Variants in ZNF385D observed in about 807,000 individuals in gnomAD.
ZNF385D encodes zinc finger protein 659.
Under a neutral mutation model 35.8 loss-of-function variants are expected in ZNF385D, and 15 were observed. The observed-to-expected ratio is 0.42, with a 90% CI of 0.28 to 0.64. ZNF385D has a LOEUF of 0.64. ZNF385D is among the 30% of genes least tolerant of loss of function. ZNF385D has a pLI of 0.23. For missense variants in ZNF385D, 474 were observed against 494.6 expected, an observed-to-expected ratio of 0.96 and a Z score of 0.39; for synonymous variants, 212 against 186.8, an observed-to-expected ratio of 1.13 and a Z score of -1.10.
At chr3:22,059,490 G>A (rs547537038) in intron 3 of ZNF385D, among the ~76,000 whole-genome samples, 11 of 152,262 alleles carry the variant, frequency 7.2e-5, no homozygotes, top group African/African-American at 2.2e-4. Context: ...TAAGATAAGC[G>A]ATGAGTGACA....
intron 2 of ZNF385D, among the ~76,000 whole-genome samples, chr3:21,623,856 T>C (rs1005724504): frequency 3.3e-5 from 5 of 152,146 alleles, no homozygotes; most frequent in Admixed American, 1.3e-4. Context: ...CTGAAGATTC[T>C]CTTTCTTGAA....
In ZNF385D at chr3:21,665,023, TA is replaced by T; in HGVS notation, c.27del (p.Thr10HisfsTer54). Reference protein sequence around the residue: MRNIMYFGGTCQSPALPAL... With the variant: MRNIMYFGXTCQSPALPAL... ...GCCGGGAGAGCAGGACTCTGGCATG[TA>T]CCACCTGTGAAGACCAGAGCAAAGG... On this transcript the variant is annotated frameshift_variant, in exon 2 of 8. Coordinates refer to ENST00000281523, the MANE Select transcript of ZNF385D (RefSeq NM_024697.3). LOFTEE classifies it high-confidence loss of function. 1.2e-6 allele frequency: 2 copies of T among 1,609,122 alleles called. No individual in the cohort carries two copies. The highest frequency in any genetic ancestry group is 1.7e-6 in the Non-Finnish European group (2 of 1,177,586).
At chr3:21,925,410 G>A (rs1655064637) in intron 3 of ZNF385D, among the ~76,000 whole-genome samples, 1 of 152,030 alleles carries the variant, frequency 6.6e-6, no homozygotes, top group African/African-American at 2.4e-5. Context: ...AAATAGGCAG[G>A]TATACACAAA....
intron 3 of ZNF385D, among the ~76,000 whole-genome samples, chr3:21,875,201 G>A (rs1697899562): frequency 6.6e-6 from 1 of 152,088 alleles, no homozygotes; most frequent in African/African-American, 2.4e-5. Flanking sequence ...TAGAAACAGA[G>A]ATAATTTTAC....
At chr3:21,874,792 T>C (rs890188977) in intron 3 of ZNF385D, among the ~76,000 whole-genome samples, 3 of 152,098 alleles carry the variant, frequency 2.0e-5, no homozygotes, top group South Asian at 2.1e-4. Context: ...GAGATTTTAA[T>C]TGAGATTGCA....
intron 3 of ZNF385D, among the ~76,000 whole-genome samples, chr3:22,070,235 A>C (rs17010696): frequency 0.01 from 1,579 of 152,266 alleles, 27 homozygotes; most frequent in African/African-American, 0.036. Context: ...AGCACAATTT[A>C]AGTCCTGGAT....
intron 3 of ZNF385D, among the ~76,000 whole-genome samples, chr3:22,027,323 C>A (rs1215774381): frequency 6.6e-6 from 1 of 152,190 alleles, no homozygotes; most frequent in African/African-American, 2.4e-5. Context: ...GGGTCCCGAA[C>A]AGGGGAAGGT....
intron 3 of ZNF385D, among the ~76,000 whole-genome samples, chr3:22,028,446 C>T (rs1048005746): frequency 7.2e-5 from 11 of 152,090 alleles, no homozygotes; most frequent in East Asian, 1.9e-4. Context: ...GCTGGATGCC[C>T]GATTTGCCAG....
chr3:22,324,517 T>C (rs1472030167), intron 2 of ZNF385D, among the ~76,000 whole-genome samples: 1 of 152,102 alleles, frequency 6.6e-6, no homozygotes, highest in Admixed American at 6.5e-5. Flanking sequence ...GATGAAGATA[T>C]ATAAAAATTT....
intron 3 of ZNF385D, among the ~76,000 whole-genome samples, chr3:21,512,070 C>T (rs928502834): frequency 2.8e-5 from 4 of 145,252 alleles, no homozygotes; most frequent in Non-Finnish European, 1.5e-5. Context: ...TCGCTTGAAC[C>T]CGGGAGGCAG....
intron 2 of ZNF385D, among the ~76,000 whole-genome samples, chr3:22,244,492 A>G (rs539897751): frequency 2.0e-5 from 3 of 150,966 alleles, no homozygotes; most frequent in African/African-American, 7.3e-5. Context: ...TACTTAAATA[A>G]TATTCCAATC....
Position 22,288,489 on chromosome 3 carries a change from C to A in ZNF385D, c.106+83961G>T, listed in dbSNP as rs577491482. Among the ~76,000 whole-genome samples the A allele has an allele frequency of 5.3e-5, 8 of 152,136 alleles. No homozygotes were observed. The East Asian group carries it at 1.5e-3, about 29-fold the overall frequency. ...TTCCAGTGACCTGTCTTTGAGTTCA[C>A]TGATGCCTTTTTTGCTTAATCCATC... On this transcript the variant is annotated intron_variant, in intron 2 of 5. Coordinates refer to the ZNF385D transcript ENST00000494108.
chr3:22,111,177 G>GTTTTTTTTTTT (rs1559377186), intron 3 of ZNF385D, among the ~76,000 whole-genome samples: 1 of 105,582 alleles, frequency 9.5e-6, no homozygotes, highest in Non-Finnish European at 1.8e-5. Flanking sequence ...TTTTTTTTTT[G>GTTTTTTTTTTT]TTTTTTTTGT....
At chr3:21,572,711 T>C (rs2063371134) in intron 2 of ZNF385D, among the ~76,000 whole-genome samples, 1 of 152,088 alleles carries the variant, frequency 6.6e-6, no homozygotes, top group Non-Finnish European at 1.5e-5. Flanking sequence ...TTATGATGAG[T>C]GAGAAAAGGT....
intron 3 of ZNF385D, among the ~76,000 whole-genome samples, chr3:21,987,671 A>G (rs1035003520): frequency 7.0e-6 from 1 of 143,530 alleles, no homozygotes; most frequent in Non-Finnish European, 1.5e-5. Flanking sequence ...CTCGAGGAGT[A>G]TCTTTGTGGT....
At chr3:21,942,572 C>T (rs1188898885) in intron 3 of ZNF385D, 3 of 152,204 alleles carry the variant, frequency 2.0e-5, no homozygotes, top group African/African-American at 4.8e-5. Context: ...TCTGAGCTTT[C>T]ATGCATATAT....
At chr3:21,831,287 G>A (rs1393336662) in intron 3 of ZNF385D, among the ~76,000 whole-genome samples, 1 of 152,142 alleles carries the variant, frequency 6.6e-6, no homozygotes, top group African/African-American at 2.4e-5. Flanking sequence ...GGGAAGAGGA[G>A]CAGAAATCAC....
intron 2 of ZNF385D, among the ~76,000 whole-genome samples, chr3:21,566,555 A>G (rs535930708): frequency 6.6e-6 from 1 of 152,056 alleles, no homozygotes; most frequent in Non-Finnish European, 1.5e-5. Context: ...GCTTGAACCC[A>G]GATTGCAGTG....
intron 3 of ZNF385D, among the ~76,000 whole-genome samples, chr3:22,046,088 G>A (rs1340028434): frequency 1.4e-5 from 2 of 143,662 alleles, no homozygotes; most frequent in African/African-American, 5.1e-5. Flanking sequence ...TGATGATAGT[G>A]GCTTAGCACA....
Sources: allele counts gnomAD v4.1 joint callset (sites outside exome capture counted in the v4.1 genomes callset), GRCh38; gene constraint gnomAD v4.1.1; transcripts MANE v1.5; gene names NCBI Gene and HGNC (gene_info 2026-07-23, HGNC 2026-07-21).